CNTN4: variants seen among roughly 807,000 people sequenced by gnomAD.
CNTN4 encodes contactin 4, also known as contactin-4.
CNTN4 carries 77 observed loss-of-function variants against 122.5 expected under a neutral mutation model. The observed-to-expected ratio is 0.63, with a 90% CI of 0.52 to 0.76. CNTN4 has a LOEUF of 0.76. CNTN4 is among the 30% of genes least tolerant of loss of function. CNTN4 has a pLI of 0.00. For synonymous variants in CNTN4, 512 were observed against 447.0 expected, an observed-to-expected ratio of 1.15 and a Z score of -1.83; for missense variants, 1,256 against 1,259.1, an observed-to-expected ratio of 1.00 and a Z score of 0.04.
At chr3:2,784,373 C>T (rs2091727145) in intron 6 of CNTN4, among the ~76,000 whole-genome samples, 1 of 152,168 alleles carries the variant, frequency 6.6e-6, no homozygotes, top group East Asian at 1.9e-4. Flanking sequence ...GTTTATTGCG[C>T]ACCTCCACAT....
chr3:2,343,503 C>G lies in CNTN4; in HGVS notation c.-89+4270C>G, dbSNP rs184887542. Among the ~76,000 whole-genome samples the G allele has an allele frequency of 1.7e-3, 263 of 152,298 alleles. 4 individuals are homozygous for G. Among genetic ancestry groups the G allele is most frequent in the Non-Finnish European group, 2.9e-4 (20 of 68,030 alleles). ...AACCAGTGAGACTGGTCGCGGGTCA[C>G]TCCTTCATTTACATAGTGTAACTAA... On this transcript the variant is annotated intron_variant, in intron 3 of 24. Transcript: ENST00000418658.
At chr3:2,536,976 T>C (rs2077834434) in intron 3 of CNTN4, among the ~76,000 whole-genome samples, 1 of 152,080 alleles carries the variant, frequency 6.6e-6, no homozygotes. Flanking sequence ...TAAAATAATA[T>C]AAAAGCCACT....
At chr3:2,497,098 C>T (rs2076472706) in intron 3 of CNTN4, among the ~76,000 whole-genome samples, 1 of 152,198 alleles carries the variant, frequency 6.6e-6, no homozygotes, top group Admixed American at 6.5e-5. Context: ...CACAGAGACA[C>T]CCAAAAATGT....
At position 2,574,449 on chromosome 3, in the gene CNTN4, G is replaced by T. The variant is rs140431707; in HGVS notation, c.55+2891G>T. The stretch of plus-strand genomic sequence containing the variant: ...CCAAATATACAAGCAGGCTCATCCT[G>T]CAAGGGATGCAACTGATAAGATCTG... On this transcript the variant is annotated intron_variant, in intron 4 of 24. Transcript: ENST00000418658. Among the ~76,000 whole-genome samples the T allele has an allele frequency of 1.5e-3, 234 of 152,128 alleles. 4 individuals carry two copies. Among genetic ancestry groups the T allele is most frequent in the African/African-American group, 5.2e-3 (216 of 41,434 alleles).
chr3:2,418,422 G>A (rs894480883), intron 3 of CNTN4, among the ~76,000 whole-genome samples: 1 of 152,078 alleles, frequency 6.6e-6, no homozygotes, highest in East Asian at 1.9e-4. Context: ...GGTTCAAAAC[G>A]TAAAACTGCT....
At position 2,190,595 on chromosome 3, in the gene CNTN4, C is replaced by G. The variant is rs373653433; in HGVS notation, c.-145+89956C>G. Among the ~76,000 whole-genome samples the G allele has an allele frequency of 2.0e-5, 3 of 151,846 alleles. No homozygotes were observed. The South Asian group carries it at 6.2e-4, about 32-fold the overall frequency. ...AGTCTACAGTTCCAGGCCAGCATCTCAGAGCTACGGGACAGTCTGCATGGG... is the reference window on the plus strand; with the variant it reads ...AGTCTACAGTTCCAGGCCAGCATCTGAGAGCTACGGGACAGTCTGCATGGG... On this transcript the variant is annotated intron_variant, in intron 2 of 24. Coordinates refer to ENST00000418658, the MANE Select transcript of CNTN4 (RefSeq NM_175607.3).
At chr3:2,439,205 C>T (rs932516447) in intron 3 of CNTN4, among the ~76,000 whole-genome samples, 10 of 152,118 alleles carry the variant, frequency 6.6e-5, no homozygotes, top group Non-Finnish European at 7.4e-5. Flanking sequence ...AGTGTGGGCT[C>T]CTGACCAACA....
chr3:2,340,710 T>TAGAGAGAGAGAGAGAGAGAGGGGGAG (rs2044170018), intron 3 of CNTN4, among the ~76,000 whole-genome samples: 6 of 18,290 alleles, frequency 3.3e-4, no homozygotes, highest in Admixed American at 1.2e-3. Context: ...TATATATATA[T>TAGAGAGAGAGAGAGAGAGAGGGGGAG]AGAGAGAGAG....
intron 5 of CNTN4, among the ~76,000 whole-genome samples, chr3:2,736,936 A>G (rs2089153362): frequency 6.6e-6 from 1 of 152,088 alleles, no homozygotes. Flanking sequence ...GATGTGTGCC[A>G]CCATGCCCAG....
intron 4 of CNTN4, among the ~76,000 whole-genome samples, chr3:2,713,098 A>G (rs1039548106): frequency 2.6e-5 from 4 of 152,224 alleles, no homozygotes; most frequent in African/African-American, 9.6e-5. Flanking sequence ...GAAGCCAGTC[A>G]GGCAGAAGTT....
At chr3:2,982,976 G>A (rs756828367) in intron 13 of CNTN4, among the ~76,000 whole-genome samples, 139 of 151,960 alleles carry the variant, frequency 9.1e-4, no homozygotes, top group Non-Finnish European at 1.6e-3. Context: ...AGCACTTTGG[G>A]AGGCGAGGCG....
chr3:2,249,771 T>C (rs892065769), intron 2 of CNTN4, among the ~76,000 whole-genome samples: 1 of 151,964 alleles, frequency 6.6e-6, no homozygotes, highest in African/African-American at 2.4e-5. Context: ...GTGGTGGCTT[T>C]AGTTTTCAGT....
chr3:2,620,499 C>CAA (rs2081951459), intron 4 of CNTN4, among the ~76,000 whole-genome samples: 1 of 102,182 alleles, frequency 9.8e-6, no homozygotes, highest in Non-Finnish European at 2.3e-5. Context: ...GACCCTGTAT[C>CAA]CAAAAATATA....
rs569888312 is a variant in CNTN4, at chr3:2,708,985, A to G, written c.56-27230A>G. Among the ~76,000 whole-genome samples the G allele has an allele frequency of 2.6e-5, 4 of 152,280 alleles. No homozygotes were observed. The East Asian group carries it at 5.8e-4, about 22-fold the overall frequency. Reference sequence around the variant, plus strand: ...GATATCGCATTGCAGAAATCCATGTACGTATTTTAATGGGCGTTGCTACTT... The same window carrying G: ...GATATCGCATTGCAGAAATCCATGTGCGTATTTTAATGGGCGTTGCTACTT... On this transcript the variant is annotated intron_variant, in intron 4 of 24. Coordinates refer to ENST00000418658, the MANE Select transcript of CNTN4 (RefSeq NM_175607.3).
At chr3:2,426,998 C>T (rs7627563) in intron 3 of CNTN4, among the ~76,000 whole-genome samples, 139,261 of 152,220 alleles carry the variant, frequency 0.91, 63,711 homozygotes, top group East Asian at 0.98. Flanking sequence ...TCTATCACTT[C>T]TGTTGATCTT....
At chr3:2,852,913 TTG>T (rs1313406232) in intron 7 of CNTN4, among the ~76,000 whole-genome samples, 1 of 152,202 alleles carries the variant, frequency 6.6e-6, no homozygotes, top group Non-Finnish European at 1.5e-5. Context: ...TTGCAAGTCT[TTG>T]TGTTATTGTC....
chr3:2,520,296 T>G (rs1291313277), intron 3 of CNTN4, among the ~76,000 whole-genome samples: 1 of 138,312 alleles, frequency 7.2e-6, no homozygotes, highest in Non-Finnish European at 1.6e-5. Context: ...TTTTTGAGAT[T>G]GAGTTTCACT....
chr3:2,878,677 A>G (rs2093874108), intron 8 of CNTN4, among the ~76,000 whole-genome samples: 1 of 152,050 alleles, frequency 6.6e-6, no homozygotes. Flanking sequence ...GTTTATATGT[A>G]AAATGTTTTA....
chr3:2,859,426 T>C (rs780340647), intron 7 of CNTN4, among the ~76,000 whole-genome samples: 20 of 152,156 alleles, frequency 1.3e-4, no homozygotes, highest in Non-Finnish European at 2.1e-4. Context: ...TTTCATAATA[T>C]AGGGAAACTA....
Sources: gnomAD v4.1 joint callset for allele counts (sites outside exome capture counted in the v4.1 genomes callset) on GRCh38, gnomAD v4.1.1 for gene constraint, MANE v1.5 for transcripts, NCBI Gene and HGNC (gene_info 2026-07-23, HGNC 2026-07-21) for gene names.